Variants in LHFPL6 observed in about 807,000 individuals in gnomAD.
The protein encoded by LHFPL6 is LHFPL tetraspan subfamily member 6, also known as LHFPL tetraspan subfamily member 6 protein.
Under a neutral mutation model 20.6 loss-of-function variants are expected in LHFPL6, and 9 were observed. The ratio of observed to expected loss-of-function variants is 0.44; its 90% CI spans 0.26 to 0.76. The LOEUF (loss-of-function observed/expected upper bound fraction) is 0.76. Among genes scored for constraint, LHFPL6 ranks in the 30% least tolerant of loss-of-function variants. The probability of loss-of-function intolerance (pLI) is 0.20; values close to 1 mark genes in which losing one functional copy is unlikely to be tolerated. For synonymous variants in LHFPL6, 105 were observed against 98.7 expected (o/e 1.06, Z -0.38); for missense variants, 218 against 253.5 (o/e 0.86, Z 0.95).
chr13:39,465,885 G>A (rs1343675345), intron 2 of LHFPL6, among the ~76,000 whole-genome samples: 1 of 152,056 alleles, frequency 6.6e-6, no homozygotes, highest in East Asian at 1.9e-4. Context: ...GACCTAGCAA[G>A]GTGTATGTCT....
At chr13:39,368,082 T>G (rs984928657) in intron 3 of LHFPL6, among the ~76,000 whole-genome samples, 1 of 152,140 alleles carries the variant, frequency 6.6e-6, no homozygotes, top group Non-Finnish European at 1.5e-5. Context: ...CCCCAGCACT[T>G]TGGGAGGCCA....
At chr13:39,454,457 G>A (rs1872521320) in intron 2 of LHFPL6, among the ~76,000 whole-genome samples, 1 of 84,170 alleles carries the variant, frequency 1.2e-5, no homozygotes, top group Non-Finnish European at 2.1e-5. Context: ...GTGAAACCCC[G>A]TCTCTACTAA....
chr13:39,503,235 C>A (rs1869356618), intron 2 of LHFPL6, among the ~76,000 whole-genome samples: 1 of 152,210 alleles, frequency 6.6e-6, no homozygotes, highest in Non-Finnish European at 1.5e-5. Context: ...CACAAAGGCA[C>A]TAGCCTCCCA....
chr13:39,426,471 C>T (rs973914957), intron 2 of LHFPL6, among the ~76,000 whole-genome samples: 5 of 152,104 alleles, frequency 3.3e-5, no homozygotes, highest in South Asian at 2.1e-4. Context: ...CCACCCACCT[C>T]GGCCTTCCAA....
At position 39,343,249 on chromosome 13, in the gene LHFPL6, A is replaced by G. The variant is rs1049968562; in HGVS notation, c.*687T>C. The G allele has an allele frequency of 1.9e-5, 4 of 215,374 alleles. No homozygotes were observed. Among genetic ancestry groups the G allele is most frequent in the African/African-American group, 9.0e-5 (4 of 44,402 alleles). The allele number at this position is 215,374 out of a possible 1,614,324, so 13.3% of individuals were successfully genotyped here. A position where few individuals can be genotyped will look rare whatever the true frequency, so the allele number is the denominator to read the frequency against. ...GGAACTAAATTAGAGTTTATGCAGGATATACAAAATACTGATAGTTTGGCT... is the reference window on the plus strand; with the variant it reads ...GGAACTAAATTAGAGTTTATGCAGGGTATACAAAATACTGATAGTTTGGCT... On this transcript the variant is annotated 3_prime_UTR_variant, in exon 4 of 4. Transcript: ENST00000379589.
chr13:39,543,233 T>C (rs1440263143), intron 2 of LHFPL6, among the ~76,000 whole-genome samples: 1 of 152,220 alleles, frequency 6.6e-6, no homozygotes, highest in Non-Finnish European at 1.5e-5. Context: ...TATGTATATA[T>C]CACATTTTCC....
At chr13:39,384,998 C>T (rs1870530039) in intron 2 of LHFPL6, among the ~76,000 whole-genome samples, 1 of 152,204 alleles carries the variant, frequency 6.6e-6, no homozygotes, top group African/African-American at 2.4e-5. Flanking sequence ...TTTGCAGCTA[C>T]AAGCTCATTT....
intron 2 of LHFPL6, among the ~76,000 whole-genome samples, chr13:39,479,076 T>C (rs935020754): frequency 5.4e-5 from 8 of 148,442 alleles, no homozygotes; most frequent in African/African-American, 2.0e-4. Flanking sequence ...GATAGATAGA[T>C]AGATAGACAG....
intron 2 of LHFPL6, among the ~76,000 whole-genome samples, chr13:39,576,080 C>T (rs1872104888): frequency 6.6e-6 from 1 of 152,170 alleles, no homozygotes; most frequent in Non-Finnish European, 1.5e-5. Flanking sequence ...GTGAAGGTTT[C>T]GCTTACCTCT....
intron 2 of LHFPL6, among the ~76,000 whole-genome samples, chr13:39,446,912 G>A (rs1872306547): frequency 6.6e-6 from 1 of 152,088 alleles, no homozygotes; most frequent in Non-Finnish European, 1.5e-5. Flanking sequence ...TGTAATCAAT[G>A]ACCAAGAAAC....
At chr13:39,574,869 G>C (rs532188075) in intron 2 of LHFPL6, among the ~76,000 whole-genome samples, 1 of 152,046 alleles carries the variant, frequency 6.6e-6, no homozygotes, top group Non-Finnish European at 1.5e-5. Context: ...GTCAGGAGTT[G>C]GAGACCAGTC....
chr13:39,547,821 G>A (rs1871027007), intron 2 of LHFPL6, among the ~76,000 whole-genome samples: 1 of 151,970 alleles, frequency 6.6e-6, no homozygotes, highest in Non-Finnish European at 1.5e-5. Context: ...AAGGAATGAA[G>A]TGTTATTCTG....
Position 39,588,117 on chromosome 13 carries a change from T to TGAGCCCCTCACGTGGCTGCC in LHFPL6, c.385+12695_385+12714dup. Reference sequence around the variant, plus strand: ...AGTGGCACACAGTGTGTGAGGCTGCTGAGCCCCTCACGTGGCTGCCGAGTG... The same window carrying TGAGCCCCTCACGTGGCTGCC: ...AGTGGCACACAGTGTGTGAGGCTGCTGAGCCCCTCACGTGGCTGCCGAGCCCCTCACGTGGCTGCCGAGTG... On this transcript the variant is annotated intron_variant, in intron 2 of 3. Coordinates refer to ENST00000379589, the MANE Select transcript of LHFPL6 (RefSeq NM_005780.3). Among the ~76,000 whole-genome samples the TGAGCCCCTCACGTGGCTGCC allele has an allele frequency of 3.3e-5, 5 of 152,244 alleles. No individual in the cohort carries two copies. The Middle Eastern group carries it at 0.014, about 414-fold the overall frequency.
chr13:39,533,114 T>C (rs1271705556), intron 2 of LHFPL6, among the ~76,000 whole-genome samples: 7 of 152,232 alleles, frequency 4.6e-5, no homozygotes, highest in Admixed American at 1.3e-4. Flanking sequence ...CCTTGGACTC[T>C]AGACTGCTCT....
intron 2 of LHFPL6, among the ~76,000 whole-genome samples, chr13:39,452,210 G>A (rs1872468261): frequency 6.6e-6 from 1 of 152,000 alleles, no homozygotes; most frequent in South Asian, 2.1e-4. Context: ...CAATCCACAG[G>A]ACACAGGTTT....
intron 2 of LHFPL6, among the ~76,000 whole-genome samples, chr13:39,476,267 C>A (rs1015375056): frequency 1.1e-4 from 17 of 152,296 alleles, no homozygotes; most frequent in Admixed American, 7.2e-4. Context: ...TGGGCTCAAG[C>A]GATCCTCCTG....
chr13:39,467,680 C>G (rs1037197746), intron 2 of LHFPL6, among the ~76,000 whole-genome samples: 1 of 152,152 alleles, frequency 6.6e-6, no homozygotes, highest in Non-Finnish European at 1.5e-5. Context: ...GAGGAAGAGA[C>G]TAAAAATTAA....
intron 2 of LHFPL6, among the ~76,000 whole-genome samples, chr13:39,468,743 T>A (rs1361410900): frequency 6.6e-6 from 1 of 152,162 alleles, no homozygotes; most frequent in East Asian, 1.9e-4. Context: ...TCTCTGCATA[T>A]GATTACAATT....
chr13:39,600,696 A>G, intron 2 of LHFPL6, 136 bp downstream of exon 2: 1 of 948,356 alleles, frequency 1.1e-6, no homozygotes. Context: ...GCAACCTATC[A>G]TCAAAGCCAT....
Sources: allele counts gnomAD v4.1 joint callset (sites outside exome capture counted in the v4.1 genomes callset), GRCh38; gene constraint gnomAD v4.1.1; transcripts MANE v1.5; gene names NCBI Gene and HGNC (gene_info 2026-07-23, HGNC 2026-07-21).